STAB2: variants seen among roughly 807,000 people sequenced by gnomAD.
The protein encoded by STAB2 is stabilin-2.
A neutral mutation model predicts 338.1 loss-of-function variants in STAB2; 288 were observed. The ratio of observed to expected loss-of-function variants is 0.85; its 90% confidence interval spans 0.77 to 0.94. STAB2 has a LOEUF of 0.94. Ranked by LOEUF, STAB2 falls within the 40% of genes least tolerant of loss-of-function variation. The probability of loss-of-function intolerance (pLI) is 0.00; values close to 1 mark genes in which losing one functional copy is unlikely to be tolerated. For synonymous variants in STAB2, 1,202 were observed against 1,193.3 expected (o/e 1.01, Z -0.15); for missense variants, 3,141 against 3,210.1 (o/e 0.98, Z 0.52).
Position 103,706,853 on chromosome 12 carries a change from A to G in STAB2, c.4058A>G (p.Gln1353Arg). ...PQCQPCPGNA[Q>R]NVCFGNGICL... ...TGCCAGCCCTGCCCAGGGAATGCCC[A>G]GAATGTCTGCTTTGGTAATGGCATC... Residue 1353 changes from glutamine to arginine, a missense_variant, in exon 38 of 69, where the codon CAG (glutamine) becomes CGG (arginine). Gln to Arg is a conservative substitution (Grantham distance 43). Coordinates refer to ENST00000388887, the MANE Select transcript of STAB2 (RefSeq NM_017564.10). 6.2e-7 allele frequency: 1 copy of G among 1,614,248 alleles called. No homozygotes were observed. Among genetic ancestry groups the G allele is most frequent in the Non-Finnish European group, 8.5e-7 (1 of 1,180,042 alleles).
chr12:103,662,907 G>T lies in STAB2; in HGVS notation c.1931G>T (p.Arg644Leu). 6.2e-7 allele frequency: 1 copy of T among 1,614,162 alleles called. No homozygotes were observed. The highest frequency in any genetic ancestry group is 8.5e-7 in the Non-Finnish European group (1 of 1,180,032). Residue 644 changes from arginine (R) to leucine (L), a missense_variant, in exon 18 of 69, where the codon CGA (arginine) becomes CTA (leucine). Physicochemically the swap from Arg to Leu is moderately radical, Grantham distance 102. Transcript: ENST00000388887. ...EEIEITAKNG[R>L]IYTLTGVLIP... ...ATTGAGATCACTGCCAAAAATGGCCGAATTTACACACTGACAGGAGTTCTC... is the reference window on the plus strand; with the variant it reads ...ATTGAGATCACTGCCAAAAATGGCCTAATTTACACACTGACAGGAGTTCTC...
chr12:103,751,074 A>G (rs17034464), intron 60 of STAB2, among the ~76,000 whole-genome samples: 1 of 152,180 alleles, frequency 6.6e-6, no homozygotes, highest in Admixed American at 6.5e-5. Flanking sequence ...GCCAGAAAGG[A>G]CCCACAAACA....
At chr12:103,694,596 T>C (rs1878240287) in intron 31 of STAB2, among the ~76,000 whole-genome samples, 1 of 152,108 alleles carries the variant, frequency 6.6e-6, no homozygotes, top group Non-Finnish European at 1.5e-5. Flanking sequence ...TATTTTTAAG[T>C]ACAAGCAGCA....
chr12:103,706,014 C>A (rs1694748243), intron 37 of STAB2, among the ~76,000 whole-genome samples: 1 of 152,178 alleles, frequency 6.6e-6, no homozygotes, highest in Non-Finnish European at 1.5e-5. Flanking sequence ...CAGGGTAGCT[C>A]TGTGAGCATG....
chr12:103,726,095 G>A (rs377326019), intron 45 of STAB2, 21 bp from the exon 46 acceptor site: 23 of 1,613,590 alleles, frequency 1.4e-5, no homozygotes, highest in Non-Finnish European at 1.9e-5. Flanking sequence ...GGCATTAAGT[G>A]AAACTACTCT....
At chr12:103,704,382 T>C (rs1372793221) in intron 35 of STAB2, among the ~76,000 whole-genome samples, 176 bp from the exon 36 acceptor site, 6 of 152,216 alleles carry the variant, frequency 3.9e-5, no homozygotes, top group Admixed American at 3.9e-4. Flanking sequence ...TGGAGAAAAG[T>C]GATGCAAATG....
intron 25 of STAB2, among the ~76,000 whole-genome samples, chr12:103,680,931 C>T (rs533266554): frequency 1.3e-5 from 2 of 152,370 alleles, no homozygotes; most frequent in East Asian, 3.9e-4. Context: ...CCACTAAGCT[C>T]AGTGGTGAGG....
Position 103,695,562 on chromosome 12 carries a change from C to A in STAB2, c.3388C>A (p.Gln1130Lys), listed in dbSNP as rs1272776334. The A allele has an allele frequency of 6.2e-7, 1 of 1,614,152 alleles. No individual in the cohort carries two copies. Among genetic ancestry groups the A allele is most frequent in the Admixed American group, 1.7e-5 (1 of 60,014 alleles). Residue 1130 changes from glutamine (Q) to lysine (K), a missense_variant, in exon 32 of 69, where the codon CAA (glutamine) becomes AAA (lysine). Transcript: ENST00000388887. ...TTTCTTTTTTCAGGTGCTGGTCCCA[C>A]AAAGACGTCTAACTGGCTCCTTACC... ...IHIINKVLVP[Q>K]RRLTGSLPNL...
intron 25 of STAB2, among the ~76,000 whole-genome samples, chr12:103,682,357 C>A (rs1876997004): frequency 6.6e-6 from 1 of 152,164 alleles, no homozygotes; most frequent in African/African-American, 2.4e-5. Flanking sequence ...GCCCTCCTGT[C>A]TAGGATTGCC....
At chr12:103,597,382 T>C (rs1009913159) in intron 3 of STAB2, among the ~76,000 whole-genome samples, 1 of 152,210 alleles carries the variant, frequency 6.6e-6, no homozygotes, top group Non-Finnish European at 1.5e-5. Flanking sequence ...ACTTCCTTTT[T>C]AATGCATTGA....
chr12:103,599,742 C>G (rs1028408698), intron 3 of STAB2, among the ~76,000 whole-genome samples: 1 of 152,222 alleles, frequency 6.6e-6, no homozygotes, highest in Non-Finnish European at 1.5e-5. Context: ...ACACACCCAC[C>G]TTCCAAAGAC....
At chr12:103,748,576 A>ACT (rs1202914329) in intron 58 of STAB2, among the ~76,000 whole-genome samples, 2 of 145,522 alleles carry the variant, frequency 1.4e-5, no homozygotes, top group Non-Finnish European at 3.0e-5. Context: ...TATTGTACTA[A>ACT]CTCTACACCA....
intron 20 of STAB2, chr12:103,669,165 C>G (rs760235564): frequency 3.9e-6 from 1 of 259,312 alleles, no homozygotes; most frequent in East Asian, 8.4e-5. Flanking sequence ...ACTTCTGGCC[C>G]TACCTGCCAC....
intron 30 of STAB2, among the ~76,000 whole-genome samples, 200 bp from the exon 31 acceptor site, chr12:103,692,612 T>TGC (rs1878040699): frequency 1.4e-5 from 2 of 146,592 alleles, no homozygotes; most frequent in African/African-American, 4.9e-5. Flanking sequence ...TGTGTGTGTG[T>TGC]GCGTGTGCAC....
rs1483615541 is a variant in STAB2, at chr12:103,643,892, G to A, written c.1040+3636G>A. ...CGGGAGGTGAGGGGCGCCTCTGCCC[G>A]GCCGCCCCTACTGGGAAGTGAGGAG... is the stretch of plus-strand genomic sequence containing the variant. On this transcript the variant is annotated intron_variant, in intron 9 of 68. Transcript: ENST00000388887. 2.7e-4 allele frequency among the ~76,000 whole-genome samples: 35 copies of A among 129,718 alleles called. No homozygotes were observed. In the East Asian group the frequency reaches 2.9e-3, roughly 11 times the overall value. 85.1% of individuals were successfully genotyped at this position (129,718 alleles called of 152,430 possible).
At chr12:103,641,444 G>A (rs148614211) in intron 9 of STAB2, among the ~76,000 whole-genome samples, 166 of 152,228 alleles carry the variant, frequency 1.1e-3, no homozygotes, top group African/African-American at 3.7e-3. Flanking sequence ...GATTACATTC[G>A]TCAATCTCTG....
Position 103,762,306 on chromosome 12 carries a change from C to T in STAB2, c.7392C>T (p.Ile2464=). 1 of 1,614,214 alleles carries T rather than the reference C, an allele frequency of 6.2e-7. No homozygotes were observed. Among genetic ancestry groups the T allele is most frequent in the Non-Finnish European group, 8.5e-7 (1 of 1,180,046 alleles). Residue 2464 remains isoleucine, a synonymous_variant, in exon 67 of 69, where the codon ATC becomes ATT. Coordinates refer to ENST00000388887, the MANE Select transcript of STAB2 (RefSeq NM_017564.10). ...TLTHTGLGAG[I]FFAIILVTGA... is the part of the protein sequence containing the mutation. The stretch of plus-strand genomic sequence containing the variant: ...CCCACACTGGCTTGGGAGCAGGGAT[C>T]TTCTTTGCCATCATCCTGGTGACTG...
chr12:103,763,271 G>C (rs370223907), intron 67 of STAB2: 6 of 557,874 alleles, frequency 1.1e-5, no homozygotes, highest in Non-Finnish European at 1.6e-5. Flanking sequence ...CCTATGTGCC[G>C]ATTTGGTGGT....
intron 53 of STAB2, among the ~76,000 whole-genome samples, chr12:103,738,865 G>A (rs1199290617): frequency 6.6e-6 from 1 of 152,178 alleles, no homozygotes; most frequent in African/African-American, 2.4e-5. Flanking sequence ...GTCCAGCTCT[G>A]TATAACAGAT....
Sources: allele counts gnomAD v4.1 joint callset (sites outside exome capture counted in the v4.1 genomes callset), GRCh38; gene constraint gnomAD v4.1.1; transcripts MANE v1.5; gene names NCBI Gene and HGNC (gene_info 2026-07-23, HGNC 2026-07-21).